The following WDR72 variants were observed in gnomAD, a reference collection of about 807,000 sequenced individuals.
The protein encoded by WDR72 is WD repeat-containing protein 72.
In WDR72, 120 loss-of-function variants were observed where a neutral mutation model predicts 124.2. The observed-to-expected ratio is 0.97, with a 90% confidence interval of 0.83 to 1.12. WDR72 has a LOEUF of 1.12. Ranked by LOEUF, WDR72 falls within the 50% of genes most tolerant of loss-of-function variation. The pLI is 0.00. For missense variants in WDR72, 1,387 were observed against 1,278.8 expected (o/e 1.08, Z -1.29); for synonymous variants, 452 against 441.7 (o/e 1.02, Z -0.29).
chr15:53,550,851 T>A (rs951027776), intron 18 of WDR72, among the ~76,000 whole-genome samples: 1 of 152,096 alleles, frequency 6.6e-6, no homozygotes, highest in Non-Finnish European at 1.5e-5. Flanking sequence ...AGACACAGGC[T>A]CTCCATCTCT....
rs80176608 is a variant in WDR72 at position 53,518,765 on chromosome 15, G to GA, written c.3254-1012dup. Among the ~76,000 whole-genome samples, 779 of 129,444 alleles carry GA rather than the reference G, an allele frequency of 6.0e-3. 3 individuals carry two copies. Among genetic ancestry groups the GA allele is most frequent in the African/African-American group, 0.021 (639 of 30,424 alleles). 84.9% of individuals were successfully genotyped at this position (129,444 alleles called of 152,430 possible). Reference sequence around the variant, plus strand: ...TGATTCATGAGCCAGAATAGAAAAAGAAAAAAAAAAAACTCCACCTTGGCT... The same window carrying GA: ...TGATTCATGAGCCAGAATAGAAAAAGAAAAAAAAAAAAACTCCACCTTGGCT... On this transcript the variant is annotated intron_variant, in intron 19 of 19. Transcript: ENST00000360509.
chr15:53,538,931 A>C (rs1197185913), intron 18 of WDR72, among the ~76,000 whole-genome samples: 1 of 152,090 alleles, frequency 6.6e-6, no homozygotes, highest in Non-Finnish European at 1.5e-5. Context: ...ACTCCATGAA[A>C]CTCATTAATT....
At chr15:53,593,172 A>T (rs549321564) in intron 18 of WDR72, among the ~76,000 whole-genome samples, 69 of 152,222 alleles carry the variant, frequency 4.5e-4, no homozygotes, top group African/African-American at 1.4e-3. Context: ...GAGGGTTGAG[A>T]TGGCAATAAT....
chr15:53,675,588 GCATGTTATTT>G (rs2016144480), intron 13 of WDR72, among the ~76,000 whole-genome samples: 1 of 151,936 alleles, frequency 6.6e-6, no homozygotes, highest in South Asian at 2.1e-4. Flanking sequence ...ATTACACCAG[GCATGTTATTT>G]TTAAATTTTA....
chr15:53,740,800 G>A (rs999658538), intron 1 of WDR72, among the ~76,000 whole-genome samples: 1 of 152,034 alleles, frequency 6.6e-6, no homozygotes, highest in Admixed American at 6.5e-5. Flanking sequence ...CTTGAATCAG[G>A]CTAGACTTAA....
intron 18 of WDR72, among the ~76,000 whole-genome samples, chr15:53,557,399 G>A (rs1024346766): frequency 6.6e-6 from 1 of 152,022 alleles, no homozygotes; most frequent in Admixed American, 6.6e-5. Flanking sequence ...GACTTATTTT[G>A]TGTGAGCTTA....
At chr15:53,620,973 T>C (rs900520344) in intron 14 of WDR72, among the ~76,000 whole-genome samples, 3 of 151,582 alleles carry the variant, frequency 2.0e-5, no homozygotes, top group Admixed American at 2.0e-4. Flanking sequence ...AACAATTCCA[T>C]CAAAAACTGG....
intron 18 of WDR72, among the ~76,000 whole-genome samples, chr15:53,587,288 A>C (rs879409233): frequency 3.3e-5 from 5 of 152,030 alleles, no homozygotes; most frequent in Non-Finnish European, 7.4e-5. Flanking sequence ...GAATTTTCTA[A>C]GAAGGCCACT....
intron 18 of WDR72, among the ~76,000 whole-genome samples, chr15:53,570,196 C>CG (rs1055028516): frequency 7.9e-5 from 12 of 151,028 alleles, no homozygotes; most frequent in Non-Finnish European, 1.6e-4. Flanking sequence ...CATGATGTTT[C>CG]GAAATATGTA....
rs186823762 is a variant in WDR72, at chr15:53,684,629, G to A, written c.1765+15121C>T. The A allele has an allele frequency of 4.9e-3, 774 of 157,414 alleles. 5 individuals carry two copies. Among genetic ancestry groups the A allele is most frequent in the African/African-American group, 0.018 (736 of 41,616 alleles). 9.8% of individuals were successfully genotyped at this position (157,414 alleles called of 1,614,324 possible). On this transcript the variant is annotated intron_variant, in intron 13 of 19. Transcript: ENST00000360509. ...AAACTGCAAGGCGGCAGCCAGGCTGGGGGAGGGGCGCCCGCCATTGCCCAG... is the reference window on the plus strand; with the variant it reads ...AAACTGCAAGGCGGCAGCCAGGCTGAGGGAGGGGCGCCCGCCATTGCCCAG...
chr15:53,537,824 T>A (rs1247236586), intron 18 of WDR72, among the ~76,000 whole-genome samples: 1 of 152,164 alleles, frequency 6.6e-6, no homozygotes, highest in East Asian at 1.9e-4. Context: ...AACCTAGTAA[T>A]AGAAGAAATA....
At chr15:53,545,081 T>C (rs1285043438) in intron 18 of WDR72, among the ~76,000 whole-genome samples, 1 of 148,460 alleles carries the variant, frequency 6.7e-6, no homozygotes, top group Admixed American at 6.7e-5. Flanking sequence ...AAAATGGCCA[T>C]ACTGCCCAAG....
At chr15:53,606,991 T>C (rs10152972) in intron 17 of WDR72, among the ~76,000 whole-genome samples, 94,825 of 152,050 alleles carry the variant, frequency 0.62, 30,797 homozygotes, top group Middle Eastern at 0.84. Flanking sequence ...TTTGTTTCCC[T>C]ATAACCAAGA....
At chr15:53,717,717 GAACAGTACCCCAC>G (rs1165048262) in intron 3 of WDR72, among the ~76,000 whole-genome samples, 1 of 152,078 alleles carries the variant, frequency 6.6e-6, no homozygotes, top group Non-Finnish European at 1.5e-5. Flanking sequence ...ACAATGCATA[GAACAGTACCCCAC>G]AACAAAGAAT....
intron 18 of WDR72, among the ~76,000 whole-genome samples, chr15:53,529,164 A>ATATTTTTTTTTT (rs59003623): frequency 1.4e-4 from 11 of 78,156 alleles, no homozygotes; most frequent in African/African-American, 5.5e-4. Flanking sequence ...ATATATATAT[A>ATATTTTTTTTTT]TTTTTTTTTT....
chr15:53,605,799 G>A (rs2013257016), intron 17 of WDR72, among the ~76,000 whole-genome samples: 1 of 152,000 alleles, frequency 6.6e-6, no homozygotes, highest in African/African-American at 2.4e-5. Context: ...AGGCTGCAGT[G>A]AGCCGAGATC....
chr15:53,637,220 C>G (rs969443259), intron 14 of WDR72, among the ~76,000 whole-genome samples: 8 of 152,078 alleles, frequency 5.3e-5, no homozygotes, highest in African/African-American at 1.9e-4. Flanking sequence ...TTATACTGCA[C>G]AAATAATCTT....
intron 14 of WDR72, among the ~76,000 whole-genome samples, chr15:53,619,264 T>TTGTGTGTGTGTGTGTGTGTGTGTG (rs3081256): frequency 4.7e-5 from 7 of 147,506 alleles, no homozygotes; most frequent in Middle Eastern, 3.5e-3. Flanking sequence ...TGCTTTATAA[T>TTGTGTGTGTGTGTGTGTGTGTGTG]TGTGTGTGTG....
At chr15:53,630,312 T>C (rs186612140) in intron 14 of WDR72, among the ~76,000 whole-genome samples, 1 of 152,192 alleles carries the variant, frequency 6.6e-6, no homozygotes, top group African/African-American at 2.4e-5. Context: ...TCTTGATAAA[T>C]ATGTCCAAAA....
Sources: allele counts gnomAD v4.1 joint callset (sites outside exome capture counted in the v4.1 genomes callset), GRCh38; gene constraint gnomAD v4.1.1; transcripts MANE v1.5; gene names NCBI Gene and HGNC (gene_info 2026-07-23, HGNC 2026-07-21).